Variants in TPSG1 observed in about 807,000 individuals in gnomAD.
The protein encoded by TPSG1 is tryptase gamma.
TPSG1 carries 43 observed loss-of-function variants against 23.8 expected under a neutral mutation model. That is an observed-to-expected ratio of 1.81 (90% confidence interval 1.42 to 2.33). The LOEUF is 2.33. TPSG1 is among the 30% of genes most tolerant of loss of function. TPSG1 has a pLI of 0.00. For synonymous variants in TPSG1, 302 were observed against 201.3 expected (o/e 1.50, Z -4.23); for missense variants, 623 against 438.6 (o/e 1.42, Z -3.75).
Position 1,221,750 on chromosome 16 carries a change from T to C in TPSG1, c.*38A>G, listed in dbSNP as rs376972103. 7.1e-6 allele frequency: 11 copies of C among 1,558,598 alleles called. No individual in the cohort carries two copies. The highest frequency in any genetic ancestry group is 9.6e-6 in the Non-Finnish European group (11 of 1,149,984). Reference sequence around the variant, plus strand: ...GAGGGAGGGGGCGGAGCGGAATAAATAGTAACTTATTTAAGAAATGCACTT... The same window carrying C: ...GAGGGAGGGGGCGGAGCGGAATAAACAGTAACTTATTTAAGAAATGCACTT... On this transcript the variant is annotated 3_prime_UTR_variant, in exon 6 of 6. Coordinates refer to ENST00000234798, the MANE Select transcript of TPSG1 (RefSeq NM_012467.4).
At position 1,222,022 on chromosome 16, in the gene TPSG1, C is replaced by T; in HGVS notation, c.732G>A (p.Glu244=). The T allele has an allele frequency of 6.2e-7, 1 of 1,612,692 alleles. No individual in the cohort carries two copies. The highest frequency in any genetic ancestry group is 8.5e-7 in the Non-Finnish European group (1 of 1,179,958). ...WVQAGTVSWG[E]GCGRPNRPGV... ...CCGGCCTGTTGGGGCGGCCGCAGCC[C>T]TCACCCCAGCTCACAGTGCCAGCCT... Residue 244 remains glutamate (E), a synonymous_variant, in exon 6 of 6, where the codon GAG becomes GAA. Coordinates refer to ENST00000234798, the MANE Select transcript of TPSG1 (RefSeq NM_012467.4).
At position 1,222,473 on chromosome 16, in the gene TPSG1, G is replaced by A. The variant is rs547545681; in HGVS notation, c.512-132C>T. The stretch of plus-strand genomic sequence containing the variant: ...CACGGCACGTGGGTTGTGATCTGAC[G>A]TTTGGCTGCTGCTTTGGATCCACAC... On this transcript the variant is annotated intron_variant, in intron 4 of 5. Transcript: ENST00000234798. 1.5e-4 allele frequency: 191 copies of A among 1,238,702 alleles called. 1 individual carries two copies. In the South Asian group the frequency reaches 2.4e-3, roughly 16 times the overall value. The allele number at this position is 1,238,702 out of a possible 1,614,324, so 76.7% of individuals were successfully genotyped here.
chr16:1,222,565 G>C, intron 4 of TPSG1, 87 bp downstream of exon 4: 1 of 1,485,380 alleles, frequency 6.7e-7, no homozygotes. Context: ...ACCAGGAGCA[G>C]GTGGTAGCAT....
rs758343533 is a variant in TPSG1 at position 1,222,842 on chromosome 16, C to G, written c.321G>C (p.Val107=). 1.2e-5 allele frequency: 19 copies of G among 1,611,364 alleles called. No individual in the cohort carries two copies. In the African/African-American group the frequency reaches 2.3e-4, roughly 19 times the overall value. ...GGCTGGAGTGCAGGATGATCTGCCT[C>G]ACGGTGGAGAAGTGGGGAGACAGAG... ...EITLSPHFST[V]RQIILHSSPS... Residue 107 remains valine (V), a synonymous_variant, in exon 4 of 6, where the codon GTG becomes GTC. Coordinates refer to ENST00000234798, the MANE Select transcript of TPSG1 (RefSeq NM_012467.4).
At chr16:1,225,139 AC>A (rs1434319436) in intron 1 of TPSG1, 67 bp downstream of exon 1, 18 of 1,524,764 alleles carry the variant, frequency 1.2e-5, no homozygotes, top group East Asian at 4.9e-5. Flanking sequence ...CCCCAGTTTC[AC>A]CCCCATCAGG....
intron 3 of TPSG1, 91 bp from the exon 4 acceptor site, chr16:1,223,008 C>A: frequency 7.1e-7 from 1 of 1,407,888 alleles, no homozygotes; most frequent in Non-Finnish European, 9.5e-7. Context: ...TGCAGGCATC[C>A]GAAGCCCAGC....
chr16:1,223,201 GGGAGGGAA>G, intron 3 of TPSG1, among the ~76,000 whole-genome samples: 1 of 152,354 alleles, frequency 6.6e-6, no homozygotes, highest in East Asian at 1.9e-4. Context: ...AGAGACCGAG[GGGAGGGAA>G]GGAGGGAGGG....
At chr16:1,224,499 C>G (rs981192380) in intron 2 of TPSG1, 103 bp downstream of exon 2, 25 of 1,489,194 alleles carry the variant, frequency 1.7e-5, no homozygotes, top group Non-Finnish European at 2.3e-5. Flanking sequence ...TATGACCTCC[C>G]CGGGCCCCCA....
chr16:1,224,164 G>A, intron 2 of TPSG1: 1 of 203,226 alleles, frequency 4.9e-6, no homozygotes, highest in Non-Finnish European at 9.8e-6. Context: ...TGCCTGAGCT[G>A]GATAATTGTG....
Position 1,223,413 on chromosome 16 carries a change from G to A in TPSG1, c.245+10C>T, listed in dbSNP as rs573530164. 23 of 1,573,848 alleles carry A rather than the reference G, an allele frequency of 1.5e-5. No homozygotes were observed. The highest frequency in any genetic ancestry group is 7.0e-5 in the South Asian group (6 of 85,754). On this transcript the variant is annotated intron_variant, in intron 3 of 5. Coordinates refer to ENST00000234798, the MANE Select transcript of TPSG1 (RefSeq NM_012467.4). ...ACATTGAGACTGCCCCTGCCCACCC[G>A]GACACTCACCCGGAGAAGCAGTGGG...
rs376240221 is a variant in TPSG1 at position 1,225,216 on chromosome 16, C to G, written c.37G>C (p.Ala13Pro). Residue 13 changes from alanine to proline, a missense_variant, in exon 1 of 6, where the codon GCT becomes CCT. By Grantham distance (27) the Ala-to-Pro change is conservative. Transcript: ENST00000234798. ...LGACGLLLLL[A>P]VPGVSLRTLQ... is the part of the protein sequence containing the mutation. ...AGGCCAGGTCACCCACCGGGCACAG[C>G]CAGGAGCAGCAGGAGGCCACAGGCC... The G allele has an allele frequency of 6.3e-7, 1 of 1,578,548 alleles. No individual in the cohort carries two copies. The highest frequency in any genetic ancestry group is 8.6e-7 in the Non-Finnish European group (1 of 1,162,540).
intron 2 of TPSG1, 120 bp from the exon 3 acceptor site, chr16:1,223,714 C>G (rs1384974447): frequency 1.6e-6 from 2 of 1,223,266 alleles, no homozygotes; most frequent in Admixed American, 2.9e-5. Context: ...CTTCAGCTCT[C>G]TCGTCTGCCA....
intron 1 of TPSG1, 196 bp from the exon 2 acceptor site, chr16:1,224,824 A>C: frequency 1.5e-6 from 1 of 673,598 alleles, no homozygotes. Flanking sequence ...ACAGGCCATA[A>C]ACGGCAGCTG....
intron 2 of TPSG1, among the ~76,000 whole-genome samples, chr16:1,224,370 C>T (rs1215736725): frequency 6.6e-6 from 1 of 152,138 alleles, no homozygotes; most frequent in African/African-American, 2.4e-5. Context: ...GTTTCATGGC[C>T]TCAGAGCATC....
In TPSG1 at chr16:1,223,546, C is replaced by G. The variant is rs775446476; in HGVS notation, c.122G>C (p.Gly41Ala). Reference sequence around the variant, plus strand: ...CCATGCGCCGGCCGGGGCAGCGTGACCCCCCACGATCCGGCCGCCTGCATC... The same window carrying G: ...CCATGCGCCGGCCGGGGCAGCGTGAGCCCCCACGATCCGGCCGCCTGCATC... ...VSDAGGRIVG[G>A]HAAPAGAWPW... Residue 41 changes from glycine (G) to alanine (A), a missense_variant, in exon 3 of 6, where the codon GGT becomes GCT. Coordinates refer to ENST00000234798, the MANE Select transcript of TPSG1 (RefSeq NM_012467.4). 330 of 1,547,348 alleles carry G rather than the reference C, an allele frequency of 2.1e-4. No homozygotes were observed. Among genetic ancestry groups the G allele is most frequent in the Non-Finnish European group, 2.8e-4 (323 of 1,148,574 alleles).
rs1318140971 is a variant in TPSG1, at chr16:1,223,569, A to G, written c.99T>C (p.Asp33=). Reference sequence around the variant, plus strand: ...GACCCCCCACGATCCGGCCGCCTGCATCCGAAACCTGCGGCCGGCCACACC... The same window carrying G: ...GACCCCCCACGATCCGGCCGCCTGCGTCCGAAACCTGCGGCCGGCCACACC... ...QPGCGRPQVS[D]AGGRIVGGHA... The change falls in exon 3 of 6, where the codon GAT becomes GAC. Residue 33 remains aspartate (D), a synonymous_variant. Coordinates refer to ENST00000234798, the MANE Select transcript of TPSG1 (RefSeq NM_012467.4). 6.5e-7 allele frequency: 1 copy of G among 1,543,826 alleles called. No homozygotes were observed. Among genetic ancestry groups the G allele is most frequent in the Non-Finnish European group, 8.7e-7 (1 of 1,146,884 alleles).
chr16:1,224,786 A>C, intron 1 of TPSG1, 158 bp from the exon 2 acceptor site: 1 of 860,102 alleles, frequency 1.2e-6, no homozygotes, highest in Non-Finnish European at 1.8e-6. Context: ...CTGCTGTCTC[A>C]CTGGCCCAGG....
chr16:1,223,880 C>T (rs962300296), intron 2 of TPSG1: 1 of 475,902 alleles, frequency 2.1e-6, no homozygotes, highest in African/African-American at 2.1e-5. Context: ...CCCTAGGCGG[C>T]TAGAAAGGGG....
intron 2 of TPSG1, 24 bp downstream of exon 2, chr16:1,224,571 CCCCCACA>C (rs111477320): frequency 3.7e-6 from 6 of 1,613,302 alleles, no homozygotes; most frequent in South Asian, 2.2e-5. Flanking sequence ...CCTGCACCCT[CCCCCACA>C]CCCCACACCT....
Sources: allele counts gnomAD v4.1 joint callset (sites outside exome capture counted in the v4.1 genomes callset), GRCh38; gene constraint gnomAD v4.1.1; transcripts MANE v1.5; gene names NCBI Gene and HGNC (gene_info 2026-07-23, HGNC 2026-07-21).